SLC16A1: variants seen among roughly 807,000 people sequenced by gnomAD.
SLC16A1 encodes solute carrier family 16 member 1.
Under a neutral mutation model 32.2 loss-of-function variants are expected in SLC16A1, and 11 were observed. That is an observed-to-expected ratio of 0.34 (90% CI 0.21 to 0.56). SLC16A1 has a LOEUF of 0.56. SLC16A1 is among the 20% of genes least tolerant of loss of function. SLC16A1 has a pLI of 0.87. For synonymous variants in SLC16A1, 231 were observed against 226.8 expected (o/e 1.02, Z -0.17); for missense variants, 435 against 615.0 (o/e 0.71, Z 3.10).
chr1:112,921,755 C>T (rs76177925), intron 3 of SLC16A1, among the ~76,000 whole-genome samples: 434 of 152,296 alleles, frequency 2.8e-3, no homozygotes, highest in Non-Finnish European at 4.7e-3. Context: ...ACAAGGAATG[C>T]AATCATTCTT....
At chr1:112,942,413 T>C (rs1218419096) in intron 1 of SLC16A1, among the ~76,000 whole-genome samples, 1 of 152,234 alleles carries the variant, frequency 6.6e-6, no homozygotes, top group East Asian at 1.9e-4. Flanking sequence ...CATGAAGGCA[T>C]GTGGACATAA....
intron 1 of SLC16A1, among the ~76,000 whole-genome samples, chr1:112,931,644 C>CAAAA (rs561013159): frequency 4.8e-5 from 3 of 62,028 alleles, no homozygotes; most frequent in Non-Finnish European, 6.2e-5. Flanking sequence ...TACTCTGTCT[C>CAAAA]AAAAAAAAAA....
At chr1:112,935,208 A>G (rs1369280212) in intron 1 of SLC16A1, among the ~76,000 whole-genome samples, 1 of 152,178 alleles carries the variant, frequency 6.6e-6, no homozygotes, top group Non-Finnish European at 1.5e-5. Flanking sequence ...TGAGGTCAGG[A>G]GTTCGAGAAC....
At chr1:112,940,643 C>A (rs879598349) in intron 1 of SLC16A1, among the ~76,000 whole-genome samples, 57 of 152,060 alleles carry the variant, frequency 3.7e-4, no homozygotes, top group Middle Eastern at 3.4e-3. Context: ...TATATGTATA[C>A]TGGAAAGGAT....
At chr1:112,921,334 T>C (rs1648726720) in intron 3 of SLC16A1, among the ~76,000 whole-genome samples, 1 of 152,154 alleles carries the variant, frequency 6.6e-6, no homozygotes, top group East Asian at 1.9e-4. Context: ...TTAGCATACA[T>C]ATATTAAAAC....
Position 112,917,131 on chromosome 1 carries a change from A to G in SLC16A1, c.1228+47T>C. 1 of 1,613,082 alleles carries G rather than the reference A, an allele frequency of 6.2e-7. No individual in the cohort carries two copies. Among genetic ancestry groups the G allele is most frequent in the Non-Finnish European group, 8.5e-7 (1 of 1,179,352 alleles). ...CTTTCTGTCAGCATTCCCATCTTAC[A>G]TGCTTGTTTTGTAATAGACCCACAT... is the stretch of plus-strand genomic sequence containing the variant. On this transcript the variant is annotated intron_variant, in intron 4 of 4. Transcript: ENST00000369626. This position sits in a 1 kb window ranked among gnomAD's most constrained non-coding sequence, Gnocchi z 4.1.
chr1:112,942,409 G>A (rs891837919), intron 1 of SLC16A1, among the ~76,000 whole-genome samples: 1 of 152,180 alleles, frequency 6.6e-6, no homozygotes, highest in East Asian at 1.9e-4. Flanking sequence ...GTAACATGAA[G>A]GCATGTGGAC....
intron 4 of SLC16A1, among the ~76,000 whole-genome samples, chr1:112,915,016 T>C (rs996797706): frequency 3.3e-5 from 5 of 152,228 alleles, no homozygotes; most frequent in Non-Finnish European, 7.3e-5. Flanking sequence ...TACTCTATGC[T>C]TAAACAGGAC....
intron 1 of SLC16A1, among the ~76,000 whole-genome samples, chr1:112,949,069 G>C (rs1397193299): frequency 6.6e-6 from 1 of 151,858 alleles, no homozygotes; most frequent in Non-Finnish European, 1.5e-5. Context: ...TGTTGGCCAG[G>C]ATGGTCTCGA....
At chr1:112,937,867 T>G (rs920709807) in intron 1 of SLC16A1, among the ~76,000 whole-genome samples, 2 of 152,192 alleles carry the variant, frequency 1.3e-5, no homozygotes, top group Non-Finnish European at 2.9e-5. Context: ...ATTCATCTTC[T>G]AAAGGATGAT....
At chr1:112,930,029 A>T (rs534653234) in intron 1 of SLC16A1, among the ~76,000 whole-genome samples, 290 of 152,286 alleles carry the variant, frequency 1.9e-3, no homozygotes, top group Non-Finnish European at 2.5e-3. Flanking sequence ...TATCCTTTAA[A>T]GTATCCTTTA....
chr1:112,923,168 A>G (rs1648798327), intron 2 of SLC16A1, among the ~76,000 whole-genome samples: 1 of 151,378 alleles, frequency 6.6e-6, no homozygotes. Context: ...AAAAATACAA[A>G]ATTAGCTGGG....
chr1:112,931,886 GTA>G (rs1649143670), intron 1 of SLC16A1, among the ~76,000 whole-genome samples: 1 of 152,000 alleles, frequency 6.6e-6, no homozygotes, highest in Admixed American at 6.6e-5. Context: ...AACTTATCCT[GTA>G]TGTTAGCAGG....
At chr1:112,924,268 T>G (rs1410376192) in intron 2 of SLC16A1, 1 of 1,473,842 alleles carries the variant, frequency 6.8e-7, no homozygotes, top group Non-Finnish European at 9.5e-7. Flanking sequence ...GAAGGGCCCC[T>G]GGAGCCAGAT....
chr1:112,941,942 CCT>C lies in SLC16A1; in HGVS notation c.-44-12592_-44-12591del, dbSNP rs1264132350. Reference sequence around the variant, plus strand: ...CCCTTAATTTCCAGCCTTTCTGACACCTCTCTCTGTCCACTGCAGTTCAAGTA... The same window carrying C: ...CCCTTAATTTCCAGCCTTTCTGACACCTCTCTGTCCACTGCAGTTCAAGTA... On this transcript the variant is annotated intron_variant, in intron 1 of 4. Transcript: ENST00000369626. 2.0e-5 allele frequency among the ~76,000 whole-genome samples: 3 copies of C among 152,088 alleles called. No homozygotes were observed. In the East Asian group the frequency reaches 5.8e-4, roughly 29 times the overall value.
intron 1 of SLC16A1, among the ~76,000 whole-genome samples, chr1:112,936,362 G>A (rs1198638798): frequency 6.6e-6 from 1 of 151,482 alleles, no homozygotes; most frequent in Non-Finnish European, 1.5e-5. Context: ...ACAAAAATTA[G>A]CTGGGCATGG....
intron 1 of SLC16A1, among the ~76,000 whole-genome samples, chr1:112,950,306 A>G (rs924588575): frequency 6.6e-6 from 1 of 152,308 alleles, no homozygotes; most frequent in South Asian, 2.1e-4. Flanking sequence ...CAATAAGACA[A>G]ATTACAAAGG....
In SLC16A1 at chr1:112,913,796, T is replaced by C. The variant is rs1160935186; in HGVS notation, c.*95A>G. 1 of 1,432,254 alleles carries C rather than the reference T, an allele frequency of 7.0e-7. No homozygotes were observed. Among genetic ancestry groups the C allele is most frequent in the African/African-American group, 1.4e-5 (1 of 71,066 alleles). 88.7% of individuals were successfully genotyped at this position (1,432,254 alleles called of 1,614,324 possible). A position where few individuals can be genotyped will look rare whatever the true frequency, so the allele number is the denominator to read the frequency against. ...TGATTTCCACACAAATGTCTACTATTTGCATTGAGCACCACTGGTAGATTA... is the reference window on the plus strand; with the variant it reads ...TGATTTCCACACAAATGTCTACTATCTGCATTGAGCACCACTGGTAGATTA... On this transcript the variant is annotated 3_prime_UTR_variant, in exon 5 of 5. Transcript: ENST00000369626.
At chr1:112,924,278 T>C in intron 2 of SLC16A1, 2 of 1,453,718 alleles carry the variant, frequency 1.4e-6, no homozygotes, top group Non-Finnish European at 9.7e-7. Flanking sequence ...TGGAGCCAGA[T>C]GTTGTGGAGG....
Sources: gnomAD v4.1 joint callset for allele counts (sites outside exome capture counted in the v4.1 genomes callset) on GRCh38, gnomAD v4.1.1 for gene constraint, Gnocchi (gnomAD v3.1) non-coding constraint, MANE v1.5 for transcripts, NCBI Gene and HGNC (gene_info 2026-07-23, HGNC 2026-07-21) for gene names.